The following CDK11A variants were observed in gnomAD, a reference collection of about 807,000 sequenced individuals.
CDK11A encodes cyclin-dependent kinase 11A.
In CDK11A, 55 loss-of-function variants were observed where a neutral mutation model predicts 83.6. The observed-to-expected ratio is 0.66, with a 90% CI of 0.53 to 0.82. CDK11A has a LOEUF of 0.82. Ranked by LOEUF, CDK11A falls within the 40% of genes least tolerant of loss-of-function variation. CDK11A has a pLI of 0.00. For synonymous variants in CDK11A, 247 were observed against 302.7 expected, an observed-to-expected ratio of 0.82 and a Z score of 1.91; for missense variants, 564 against 810.1, an observed-to-expected ratio of 0.70 and a Z score of 3.69.
Position 1,719,448 on chromosome 1 carries a change from C to A in CDK11A, c.235G>T (p.Glu79Ter), listed in dbSNP as rs749100082. ...REDSMEDRGE[E>*]DDSLAIKPPQ... ...GGTTTGATGGCCAAAGAATCATCTT[C>A]TTCTCCTCTGAAATAAAACACAACA... The change falls in exon 4 of 20, where the codon GAA becomes TAA. Residue 79 changes from glutamate (E) to a stop codon, truncating the protein, a stop_gained. Coordinates refer to ENST00000404249, the MANE Select transcript of CDK11A (RefSeq NM_024011.4). LOFTEE classifies it high-confidence loss of function. The A allele has an allele frequency of 6.7e-7, 1 of 1,502,080 alleles. No individual in the cohort carries two copies. Among genetic ancestry groups the A allele is most frequent in the Non-Finnish European group, 8.9e-7 (1 of 1,128,118 alleles). 93.0% of individuals were successfully genotyped at this position (1,502,080 alleles called of 1,614,324 possible). A position where few individuals can be genotyped will look rare whatever the true frequency, so the allele number is the denominator to read the frequency against.
chr1:1,719,356 A>C lies in CDK11A; in HGVS notation c.327T>G (p.Cys109Trp), dbSNP rs1236142131. ...HRKDEKRKEK[C>W]RHHSHSAEGG... ...CTTCTGCTGAATGGCTATGATGCCTACATTTTTCTTTTCTCTTTTCATCTT... is the reference window on the plus strand; with the variant it reads ...CTTCTGCTGAATGGCTATGATGCCTCCATTTTTCTTTTCTCTTTTCATCTT... The change falls in exon 4 of 20, where the codon TGT becomes TGG. Residue 109 changes from cysteine (C) to tryptophan (W), a missense_variant. Around this residue, in one of 5 missense-constraint regions of CDK11A, gnomAD observed 151 missense variants for 147.4 expected, o/e 1.02. Transcript: ENST00000404249. 1.3e-6 allele frequency: 2 copies of C among 1,534,336 alleles called. No homozygotes were observed. The highest frequency in any genetic ancestry group is 2.5e-5 in the East Asian group (1 of 40,496).
chr1:1,720,232 C>A (rs912931780), intron 3 of CDK11A, among the ~76,000 whole-genome samples: 2 of 148,010 alleles, frequency 1.4e-5, no homozygotes, highest in Admixed American at 6.8e-5. Context: ...GTAACTGGGA[C>A]TACAGGCGCC....
At chr1:1,704,807 T>C in intron 13 of CDK11A, 97 bp downstream of exon 13, 2 of 1,600,332 alleles carry the variant, frequency 1.2e-6, no homozygotes, top group Non-Finnish European at 1.7e-6. Context: ...CTCCACTAAG[T>C]GCAGGAGAGT....
At chr1:1,716,919 CT>C (rs758439009) in intron 4 of CDK11A, among the ~76,000 whole-genome samples, 11,181 of 117,630 alleles carry the variant, frequency 0.095, 1,932 homozygotes, top group African/African-American at 0.32. Context: ...TAATCCTAAT[CT>C]TTTTTTTTTT....
intron 4 of CDK11A, among the ~76,000 whole-genome samples, chr1:1,717,606 CTTT>C (rs1644716827): frequency 2.2e-5 from 1 of 44,882 alleles, no homozygotes; most frequent in Non-Finnish European, 9.1e-5. Flanking sequence ...CACACGCACG[CTTT>C]CAGCTAGAGT....
intron 11 of CDK11A, among the ~76,000 whole-genome samples, chr1:1,706,325 G>A (rs1481321183): frequency 2.0e-5 from 3 of 151,164 alleles, no homozygotes; most frequent in East Asian, 1.9e-4. Context: ...CCACCGCCTC[G>A]GCCTCCCAAA....
intron 3 of CDK11A, 131 bp downstream of exon 3, chr1:1,721,465 T>TC (rs754420872): frequency 1.2e-5 from 12 of 1,040,544 alleles, no homozygotes; most frequent in Non-Finnish European, 1.6e-5. Flanking sequence ...ACACGCCCTG[T>TC]CACGGTAACT....
At chr1:1,722,269 CA>C (rs1443035980) in intron 2 of CDK11A, among the ~76,000 whole-genome samples, 1 of 150,288 alleles carries the variant, frequency 6.7e-6, no homozygotes, top group Non-Finnish European at 1.5e-5. Flanking sequence ...AATGATGCTA[CA>C]AATCTTAGCA....
In CDK11A at chr1:1,704,084, C is replaced by T. The variant is rs767396819; in HGVS notation, c.1749G>A (p.Val583=). 3 of 1,597,608 alleles carry T rather than the reference C, an allele frequency of 1.9e-6. No individual in the cohort carries two copies. The highest frequency in any genetic ancestry group is 8.5e-7 in the Non-Finnish European group (1 of 1,170,036). The change falls in exon 16 of 20, where the codon GTG becomes GTA. Residue 583 remains valine (V), a synonymous_variant. Coordinates refer to ENST00000404249, the MANE Select transcript of CDK11A (RefSeq NM_024011.4). ...CTGGGGCGCGGTACCACTGGGTCACCACGACCGGGGTGTAGGCCTTCAGAG... is the reference window on the plus strand; with the variant it reads ...CTGGGGCGCGGTACCACTGGGTCACTACGACCGGGGTGTAGGCCTTCAGAG... ...GSPLKAYTPV[V]VTQWYRAPEL...
intron 4 of CDK11A, 110 bp from the exon 5 acceptor site, chr1:1,716,588 T>C (rs61776857): frequency 0.89 from 994,388 of 1,117,342 alleles, 446,844 homozygotes; most frequent in Non-Finnish European, 0.93. Context: ...CCGAGGCGGG[T>C]GGATCACCTG....
Position 1,721,660 on chromosome 1 carries a change from C to A in CDK11A, c.163G>T (p.Asp55Tyr). 1 of 1,601,996 alleles carries A rather than the reference C, an allele frequency of 6.2e-7. No individual in the cohort carries two copies. Among genetic ancestry groups the A allele is most frequent in the Non-Finnish European group, 8.5e-7 (1 of 1,170,036 alleles). The change falls in exon 3 of 20, where the codon GAT becomes TAT. Residue 55 changes from aspartate (D) to tyrosine (Y), a missense_variant. By Grantham distance (160) the Asp-to-Tyr change is radical. This residue lies in a region of CDK11A where 151 missense variants were observed against 147.4 expected (regional missense o/e 1.02). Coordinates refer to ENST00000404249, the MANE Select transcript of CDK11A (RefSeq NM_024011.4). ...CTTATTGTGATCTCCATGCAGTGAT[C>A]TCTCAGCTCCCCCTCCTCAAGGGAA... Reference protein sequence around the residue: ...RDSLEEGELRDHCMEITIRNS... With the variant: ...RDSLEEGELRYHCMEITIRNS...
In CDK11A at chr1:1,721,830, C is replaced by T. The variant is rs550336010; in HGVS notation, c.112-119G>A. 101 of 1,349,394 alleles carry T rather than the reference C, an allele frequency of 7.5e-5. 3 individuals are homozygous for T. In the South Asian group the frequency reaches 1.4e-3, roughly 19 times the overall value. The allele number at this position is 1,349,394 out of a possible 1,614,324, so 83.6% of individuals were successfully genotyped here. A position where few individuals can be genotyped will look rare whatever the true frequency, so the allele number is the denominator to read the frequency against. The stretch of plus-strand genomic sequence containing the variant: ...ATCCCAAAACAAACTTTCACATGTA[C>T]TCTGAATGAGCCAGTGTTATAAAAT... On this transcript the variant is annotated intron_variant, in intron 2 of 19. Transcript: ENST00000404249.
chr1:1,706,566 G>C (rs17162876), intron 11 of CDK11A, among the ~76,000 whole-genome samples: 100,878 of 150,692 alleles, frequency 0.67, 36,014 homozygotes, highest in African/African-American at 0.9. Context: ...AAGGCCATCC[G>C]GAGAGTCTCT....
In CDK11A at chr1:1,706,742, C is replaced by T. The variant is rs1463197133; in HGVS notation, c.1245+667G>A. ...GTACTCTGGGTGGCCTGTGGCCCGA[C>T]GCCTACGCTCAGCAGCACTAAGGGG... On this transcript the variant is annotated intron_variant, in intron 11 of 19. Coordinates refer to ENST00000404249, the MANE Select transcript of CDK11A (RefSeq NM_024011.4). Among the ~76,000 whole-genome samples, 26 of 151,112 alleles carry T rather than the reference C, an allele frequency of 1.7e-4. 1 individual carries two copies. The highest frequency in any genetic ancestry group is 3.9e-4 in the East Asian group (2 of 5,142).
At position 1,716,989 on chromosome 1, in the gene CDK11A, C is replaced by T. The variant is rs1421218893; in HGVS notation, c.356-511G>A. Among the ~76,000 whole-genome samples the T allele has an allele frequency of 2.1e-5, 3 of 144,516 alleles. 1 individual carries two copies. Among genetic ancestry groups the T allele is most frequent in the African/African-American group, 7.7e-5 (3 of 38,942 alleles). The allele number at this position is 144,516 out of a possible 152,430, so 94.8% of individuals were successfully genotyped here. On this transcript the variant is annotated intron_variant, in intron 4 of 19. Transcript: ENST00000404249. Reference sequence around the variant, plus strand: ...CAAGCTGGTCTTGAACTCCTGGGCTCAAGTGATCCTCCATCCTTGTCCTCC... The same window carrying T: ...CAAGCTGGTCTTGAACTCCTGGGCTTAAGTGATCCTCCATCCTTGTCCTCC...
At position 1,716,464 on chromosome 1, in the gene CDK11A, C is replaced by T; in HGVS notation, c.370G>A (p.Val124Met). The change falls in exon 5 of 20, where the codon GTG becomes ATG. Residue 124 changes from valine to methionine, a missense_variant. Physicochemically the swap from Val to Met is conservative, Grantham distance 21 (BLOSUM62 1). Around this residue, in one of 5 missense-constraint regions of CDK11A, gnomAD observed 151 missense variants for 147.4 expected, o/e 1.02. Transcript: ENST00000404249. Reference protein sequence around the residue: ...HSAEGGKHARVKEREHERRKR... With the variant: ...HSAEGGKHARMKEREHERRKR... Reference sequence around the variant, plus strand: ...CGACGTTCGTGCTCTCTTTCTTTCACTCTAGCATGCTTCCCTAATGAGAAA... The same window carrying T: ...CGACGTTCGTGCTCTCTTTCTTTCATTCTAGCATGCTTCCCTAATGAGAAA... 2 of 1,608,552 alleles carry T rather than the reference C, an allele frequency of 1.2e-6. No individual in the cohort carries two copies. Among genetic ancestry groups the T allele is most frequent in the South Asian group, 1.1e-5 (1 of 90,718 alleles).
rs570927461 is a variant in CDK11A at position 1,716,422 on chromosome 1, C to G, written c.412G>C (p.Glu138Gln). ...EHERRKRHRE[E>Q]QDKARREWER... ...CATTCCCGGCGAGCTTTATCCTGTT[C>G]TTCTCGATGTCGTTTCCGACGTTCG... Residue 138 changes from glutamate (E) to glutamine (Q), a missense_variant, in exon 5 of 20, where the codon GAA (glutamate) becomes CAA (glutamine). Around this residue, in one of 5 missense-constraint regions of CDK11A, gnomAD observed 151 missense variants for 147.4 expected, o/e 1.02. Transcript: ENST00000404249. 1 of 1,608,532 alleles carries G rather than the reference C, an allele frequency of 6.2e-7. No individual in the cohort carries two copies. Among genetic ancestry groups the G allele is most frequent in the African/African-American group, 1.3e-5 (1 of 74,510 alleles).
At chr1:1,722,532 G>A in intron 2 of CDK11A, 176 bp downstream of exon 2, 1 of 545,986 alleles carries the variant, frequency 1.8e-6, no homozygotes, top group Non-Finnish European at 3.4e-6. Context: ...CACAGCTTTA[G>A]TGTGTTAAAT....
At chr1:1,722,296 C>T (rs1488448599) in intron 2 of CDK11A, among the ~76,000 whole-genome samples, 2 of 150,548 alleles carry the variant, frequency 1.3e-5, no homozygotes, top group Non-Finnish European at 3.0e-5. Context: ...GGTACTTTGC[C>T]AATGCCTCTT....
Sources: gnomAD v4.1 joint callset for allele counts (sites outside exome capture counted in the v4.1 genomes callset) on GRCh38, gnomAD v4.1.1 for gene constraint, gnomAD v4.1.1 regional missense constraint, MANE v1.5 for transcripts, NCBI Gene and HGNC (gene_info 2026-07-23, HGNC 2026-07-21) for gene names.